The following BUD13 variants were observed in gnomAD, a reference collection of about 807,000 sequenced individuals.
BUD13 encodes BUD13 homolog.
In BUD13, 47 loss-of-function variants were observed where a neutral mutation model predicts 62.5. That is an observed-to-expected ratio of 0.75 (90% CI 0.60 to 0.96). BUD13 has a LOEUF of 0.96. Among genes scored for constraint, BUD13 ranks in the 40% least tolerant of loss-of-function variants. The pLI is 0.00. For missense variants in BUD13, 821 were observed against 790.9 expected, an observed-to-expected ratio of 1.04 and a Z score of -0.46; for synonymous variants, 293 against 280.1, an observed-to-expected ratio of 1.05 and a Z score of -0.46.
rs1462841466 is a variant in BUD13 at position 116,772,880 on chromosome 11, C to T, written c.85G>A (p.Glu29Lys). 1.9e-6 allele frequency: 3 copies of T among 1,592,180 alleles called. No individual in the cohort carries two copies. The African/African-American group carries it at 4.1e-5, about 22-fold the overall frequency. Residue 29 changes from glutamate (E) to lysine (K), a missense_variant, in exon 1 of 10, where the codon GAG becomes AAG. Coordinates refer to ENST00000260210, the MANE Select transcript of BUD13 (RefSeq NM_032725.4). The stretch of plus-strand genomic sequence containing the variant: ...TTTTTGCGACGCTTGCGACCGGACT[C>T]AGATCCCCGGTCGACGCCGGCATCT... ...GADAGVDRGS[E>K]SGRKRRKKRP...
intron 1 of BUD13, among the ~76,000 whole-genome samples, chr11:116,770,708 A>C (rs961611776): frequency 6.6e-6 from 1 of 151,752 alleles, no homozygotes; most frequent in Admixed American, 6.6e-5. Context: ...GTTAGTCAGG[A>C]TGGTCTCGAT....
chr11:116,762,335 A>C (rs1004351534), intron 4 of BUD13, among the ~76,000 whole-genome samples: 1 of 152,242 alleles, frequency 6.6e-6, no homozygotes, highest in African/African-American at 2.4e-5. Flanking sequence ...TGCAACAAAT[A>C]AATTGTACTT....
intron 9 of BUD13, among the ~76,000 whole-genome samples, chr11:116,756,239 T>C (rs1433795662): frequency 6.6e-6 from 1 of 151,518 alleles, no homozygotes; most frequent in Admixed American, 6.6e-5. Flanking sequence ...TGTAATCCTG[T>C]AATCCTGTAA....
In BUD13 at chr11:116,760,826, G is replaced by C. The variant is rs35004487; in HGVS notation, c.1163C>G (p.Ser388Cys). 17,203 of 1,614,144 alleles carry C rather than the reference G, an allele frequency of 0.011. 133 individuals carry two copies. Among genetic ancestry groups the C allele is most frequent in the Middle Eastern group, 0.044 (264 of 6,060 alleles). Residue 388 changes from serine to cysteine, a missense_variant, in exon 5 of 10, where the codon TCT (serine) becomes TGT (cysteine). Ser to Cys is a moderately radical substitution (Grantham distance 112). Coordinates refer to ENST00000260210, the MANE Select transcript of BUD13 (RefSeq NM_032725.4). Reference sequence around the variant, plus strand: ...TCTCCTCCTTGGTGGAGAGAGGTCAGAATCAGAGCTCCGGTGTCTAGGTCT... The same window carrying C: ...TCTCCTCCTTGGTGGAGAGAGGTCACAATCAGAGCTCCGGTGTCTAGGTCT... ...RNRPRHRSSD[S>C]DLSPPRRRQR...
intron 7 of BUD13, 105 bp downstream of exon 7, chr11:116,758,164 A>G: frequency 6.6e-7 from 1 of 1,518,456 alleles, no homozygotes; most frequent in Non-Finnish European, 8.9e-7. Context: ...CCCATTACTG[A>G]TAACAGCTCT....
chr11:116,767,248 C>T lies in BUD13; in HGVS notation c.238-1802G>A, dbSNP rs115310467. On this transcript the variant is annotated intron_variant, in intron 2 of 9. Transcript: ENST00000260210. ...GTGAAAAGGCAAATGATAAAATACA[C>T]CCACAACATAAGCCTAATGAACATA... Among the ~76,000 whole-genome samples, 586 of 151,294 alleles carry T rather than the reference C, an allele frequency of 3.9e-3. 1 individual carries two copies. The highest frequency in any genetic ancestry group is 0.014 in the African/African-American group (575 of 41,288).
Position 116,759,711 on chromosome 11 carries a change from C to T in BUD13, c.1255-532G>A, listed in dbSNP as rs139848471. Among the ~76,000 whole-genome samples, 7 of 152,222 alleles carry T rather than the reference C, an allele frequency of 4.6e-5. No homozygotes were observed. The East Asian group carries it at 5.8e-4, about 13-fold the overall frequency. ...AGTATATCTTGATATCCTTCAGCAA[C>T]GAAATTGGAATAATATTAAGTTGTC... On this transcript the variant is annotated intron_variant, in intron 5 of 9. Transcript: ENST00000260210.
chr11:116,764,443 C>G (rs1475516229), intron 3 of BUD13, among the ~76,000 whole-genome samples: 1 of 152,052 alleles, frequency 6.6e-6, no homozygotes, highest in Non-Finnish European at 1.5e-5. Flanking sequence ...AAGCGTACTT[C>G]CAATAACAAA....
rs182745160 is a variant in BUD13 at position 116,759,315 on chromosome 11, A to C, written c.1255-136T>G. The C allele has an allele frequency of 5.6e-3, 3,417 of 608,644 alleles. 31 individuals are homozygous for C. The highest frequency in any genetic ancestry group is 0.034 in the Middle Eastern group (131 of 3,800). The allele number at this position is 608,644 out of a possible 1,614,324, so 37.7% of individuals were successfully genotyped here. A position where few individuals can be genotyped will look rare whatever the true frequency, so the allele number is the denominator to read the frequency against. On this transcript the variant is annotated intron_variant, in intron 5 of 9. Coordinates refer to ENST00000260210, the MANE Select transcript of BUD13 (RefSeq NM_032725.4). Reference sequence around the variant, plus strand: ...AAAACTCTAGCTTTATATTCTCAATAATTACCATAGGATTCAAAAACTATA... The same window carrying C: ...AAAACTCTAGCTTTATATTCTCAATCATTACCATAGGATTCAAAAACTATA...
intron 9 of BUD13, among the ~76,000 whole-genome samples, chr11:116,749,125 A>T (rs1231382072): frequency 2.0e-5 from 3 of 152,054 alleles, no homozygotes; most frequent in Non-Finnish European, 4.4e-5. Flanking sequence ...TCTGACAGCT[A>T]TTTCAAACGT....
chr11:116,765,058 T>A (rs993609007), intron 3 of BUD13, among the ~76,000 whole-genome samples: 1 of 152,178 alleles, frequency 6.6e-6, no homozygotes, highest in African/African-American at 2.4e-5. Flanking sequence ...TCCCAAAGTC[T>A]TGCCTATACA....
chr11:116,758,441 C>T (rs1940371107), intron 6 of BUD13, 34 bp from the exon 7 acceptor site: 2 of 1,609,510 alleles, frequency 1.2e-6, no homozygotes, highest in African/African-American at 2.7e-5. Context: ...ATATCAGGAT[C>T]AAAATCAGAA....
In BUD13 at chr11:116,762,701, G is replaced by A; in HGVS notation, c.888C>T (p.Ser296=). Residue 296 remains serine (S), a synonymous_variant, in exon 4 of 10, where the codon AGC becomes AGT. Transcript: ENST00000260210. ...KSGKAPERAS[S]KTSPHWKESG... ...ACTCCTTCCAATGTGGAGAAGTCTT[G>A]CTAGAGGCTCTTTCTGGGGCTTTAC... 1 of 1,614,204 alleles carries A rather than the reference G, an allele frequency of 6.2e-7. No individual in the cohort carries two copies. Among genetic ancestry groups the A allele is most frequent in the Non-Finnish European group, 8.5e-7 (1 of 1,180,028 alleles).
chr11:116,752,545 T>TA (rs1401323011), intron 9 of BUD13, among the ~76,000 whole-genome samples: 65 of 151,988 alleles, frequency 4.3e-4, no homozygotes, highest in African/African-American at 1.5e-3. Flanking sequence ...GTCCAAAAAT[T>TA]AAAAAACAAA....
Position 116,757,774 on chromosome 11 carries a change from T to C in BUD13, c.1676A>G (p.Asn559Ser). The change falls in exon 8 of 10, where the codon AAT becomes AGT. Residue 559 changes from asparagine (N) to serine (S), a missense_variant. Physicochemically the swap from Asn to Ser is conservative, Grantham distance 46 (BLOSUM62 1). This residue lies in a region of BUD13 where 800 missense variants were observed against 739.2 expected (regional missense o/e 1.08). Transcript: ENST00000260210. ...IKKNKAKENK[N>S]KKVRPRYSGP... ...ATTCCCAGAAGTCCCACCTTTTTTATTCTTGTTCTCCTTGGCCTTATTCTT... is the reference window on the plus strand; with the variant it reads ...ATTCCCAGAAGTCCCACCTTTTTTACTCTTGTTCTCCTTGGCCTTATTCTT... The C allele has an allele frequency of 6.2e-7, 1 of 1,607,522 alleles. No homozygotes were observed. The highest frequency in any genetic ancestry group is 1.1e-5 in the South Asian group (1 of 89,234).
At chr11:116,772,715 A>C (rs1940652855) in intron 1 of BUD13, 107 bp downstream of exon 1, 2 of 1,359,768 alleles carry the variant, frequency 1.5e-6, no homozygotes, top group Admixed American at 3.3e-5. Flanking sequence ...GTCGGCGGAG[A>C]AGCCGAGAGA....
At chr11:116,761,817 G>A (rs1300803477) in intron 4 of BUD13, among the ~76,000 whole-genome samples, 1 of 152,170 alleles carries the variant, frequency 6.6e-6, no homozygotes. Context: ...ACCTCCCAAA[G>A]GGCATTCTGC....
At chr11:116,770,790 G>A (rs969573416) in intron 1 of BUD13, among the ~76,000 whole-genome samples, 5 of 149,374 alleles carry the variant, frequency 3.3e-5, no homozygotes, top group South Asian at 2.1e-4. Context: ...CACCGCGCCC[G>A]GCCCTAGTCT....
intron 9 of BUD13, among the ~76,000 whole-genome samples, chr11:116,753,437 C>G (rs6589564): frequency 0.93 from 141,519 of 152,310 alleles, 65,996 homozygotes; most frequent in African/African-American, 0.98. Context: ...TTGTAGCTGC[C>G]GTCCACTGCA....
Sources: gnomAD v4.1 joint callset for allele counts (sites outside exome capture counted in the v4.1 genomes callset) on GRCh38, gnomAD v4.1.1 for gene constraint, gnomAD v4.1.1 regional missense constraint, MANE v1.5 for transcripts, NCBI Gene and HGNC (gene_info 2026-07-23, HGNC 2026-07-21) for gene names.